The following CRTAC1 variants were observed in gnomAD, a reference collection of about 807,000 sequenced individuals.
CRTAC1 encodes the protein acidic secreted protein in cartilage.
CRTAC1 carries 37 observed loss-of-function variants against 67.8 expected under a neutral mutation model. That is an observed-to-expected ratio of 0.55 (90% CI 0.42 to 0.72). CRTAC1 has a LOEUF of 0.72. Among genes scored for constraint, CRTAC1 ranks in the 30% least tolerant of loss-of-function variants. The pLI is 0.00. For synonymous variants in CRTAC1, 348 were observed against 371.0 expected, an observed-to-expected ratio of 0.94 and a Z score of 0.71; for missense variants, 780 against 931.6, an observed-to-expected ratio of 0.84 and a Z score of 2.12.
At chr10:98,019,840 C>T (rs1164845366) in intron 1 of CRTAC1, among the ~76,000 whole-genome samples, 7 of 152,176 alleles carry the variant, frequency 4.6e-5, no homozygotes, top group Non-Finnish European at 1.0e-4. Context: ...GGTGGCATTT[C>T]CCTCTCCACC....
intron 2 of CRTAC1, among the ~76,000 whole-genome samples, chr10:97,971,872 G>T (rs1007297314): frequency 6.6e-6 from 1 of 152,160 alleles, no homozygotes; most frequent in Admixed American, 6.5e-5. Context: ...CTACACTAAG[G>T]TTTCAGTAAC....
At chr10:97,967,008 A>G (rs1590246419) in intron 2 of CRTAC1, among the ~76,000 whole-genome samples, 1 of 121,984 alleles carries the variant, frequency 8.2e-6, no homozygotes. Context: ...CCCCCCCCCG[A>G]CATCCTACAT....
At chr10:97,910,161 T>A (rs1447992768) in intron 5 of CRTAC1, among the ~76,000 whole-genome samples, 1 of 152,254 alleles carries the variant, frequency 6.6e-6, no homozygotes, top group African/African-American at 2.4e-5. Flanking sequence ...TTAATAAGAA[T>A]GCACTATATA....
chr10:97,954,662 T>C (rs2051412675), intron 2 of CRTAC1, among the ~76,000 whole-genome samples: 1 of 152,216 alleles, frequency 6.6e-6, no homozygotes, highest in African/African-American at 2.4e-5. Flanking sequence ...GTCGGGGCAA[T>C]GACCCCGGTA....
chr10:98,003,117 T>C (rs1448165100), intron 2 of CRTAC1, among the ~76,000 whole-genome samples: 2 of 152,172 alleles, frequency 1.3e-5, no homozygotes, highest in African/African-American at 2.4e-5. Flanking sequence ...GGGATTGACG[T>C]TGATTACAAA....
At chr10:97,991,530 G>T (rs1842456923) in intron 2 of CRTAC1, among the ~76,000 whole-genome samples, 2 of 152,126 alleles carry the variant, frequency 1.3e-5, no homozygotes, top group South Asian at 2.1e-4. Context: ...GACAAGGGTT[G>T]GTCCAGGCAA....
intron 1 of CRTAC1, among the ~76,000 whole-genome samples, chr10:98,014,083 T>C (rs1842954477): frequency 6.6e-6 from 1 of 152,208 alleles, no homozygotes; most frequent in African/African-American, 2.4e-5. Flanking sequence ...TGGGCAATGG[T>C]TACGGTGAGG....
intron 2 of CRTAC1, among the ~76,000 whole-genome samples, chr10:97,948,758 G>T (rs563239376): frequency 6.6e-6 from 1 of 152,340 alleles, no homozygotes; most frequent in South Asian, 2.1e-4. Flanking sequence ...CCGAGACTGG[G>T]TAATTTACGA....
intron 2 of CRTAC1, among the ~76,000 whole-genome samples, chr10:97,939,094 C>T (rs1287925559): frequency 6.6e-6 from 1 of 152,182 alleles, no homozygotes; most frequent in Admixed American, 6.5e-5. Flanking sequence ...CACTGACACC[C>T]TTCCCCTGCA....
At chr10:97,907,990 A>G in intron 6 of CRTAC1, 23 bp downstream of exon 6, 1 of 1,613,402 alleles carries the variant, frequency 6.2e-7, no homozygotes, top group Non-Finnish European at 8.5e-7. Context: ...CAGGGTGCAC[A>G]GGGCATGGCT....
At chr10:97,926,379 G>C (rs1052357033) in intron 3 of CRTAC1, among the ~76,000 whole-genome samples, 1 of 152,198 alleles carries the variant, frequency 6.6e-6, no homozygotes, top group Non-Finnish European at 1.5e-5. Flanking sequence ...TCTCAGCGTC[G>C]TTGTGGGAAT....
chr10:97,945,786 C>T (rs1460174480), intron 2 of CRTAC1, among the ~76,000 whole-genome samples: 1 of 152,240 alleles, frequency 6.6e-6, no homozygotes, highest in South Asian at 2.1e-4. Context: ...AAGAGAAAAA[C>T]CTTTTGTCCT....
At chr10:97,964,424 G>A (rs890358171) in intron 2 of CRTAC1, among the ~76,000 whole-genome samples, 9 of 152,216 alleles carry the variant, frequency 5.9e-5, no homozygotes, top group Non-Finnish European at 1.0e-4. Context: ...CGCTTGACAG[G>A]CCATCAGAGA....
At chr10:97,998,030 G>A (rs1842618752) in intron 2 of CRTAC1, among the ~76,000 whole-genome samples, 1 of 152,188 alleles carries the variant, frequency 6.6e-6, no homozygotes, top group African/African-American at 2.4e-5. Flanking sequence ...GAGTGCAGTG[G>A]TGCGATCTCG....
chr10:98,029,527 G>A lies in CRTAC1; in HGVS notation c.24+922C>T, dbSNP rs111370186. ...CGGCGGCGGCGGCGGCGGCGGCGGCGGCAGCAGCAGCAATATTCATTAGTC... is the reference window on the plus strand; with the variant it reads ...CGGCGGCGGCGGCGGCGGCGGCGGCAGCAGCAGCAGCAATATTCATTAGTC... On this transcript the variant is annotated intron_variant, in intron 1 of 14. Transcript: ENST00000370597. The surrounding 1 kb of genome is among the most constrained non-coding windows in gnomAD (Gnocchi z 4.7). 2.7e-3 allele frequency among the ~76,000 whole-genome samples: 360 copies of A among 131,142 alleles called. 1 individual carries two copies. The highest frequency in any genetic ancestry group is 4.0e-3 in the Non-Finnish European group (269 of 66,846). The allele number at this position is 131,142 out of a possible 152,430, so 86.0% of individuals were successfully genotyped here.
At chr10:97,883,545 C>G (rs906724620) in intron 12 of CRTAC1, among the ~76,000 whole-genome samples, 26 of 152,306 alleles carry the variant, frequency 1.7e-4, no homozygotes, top group African/African-American at 5.8e-4. Flanking sequence ...GGCCCCTCTC[C>G]TCCCAAAGCC....
chr10:97,887,523 C>A (rs1017924609), intron 11 of CRTAC1, among the ~76,000 whole-genome samples: 1 of 152,228 alleles, frequency 6.6e-6, no homozygotes. Flanking sequence ...GGATTATAGG[C>A]GTGAGTCACC....
chr10:97,875,342 G>A (rs1168106041), intron 14 of CRTAC1, among the ~76,000 whole-genome samples: 2 of 152,220 alleles, frequency 1.3e-5, no homozygotes, highest in Non-Finnish European at 2.9e-5. Flanking sequence ...TTGCATAAAT[G>A]TTAGCTGCTT....
chr10:97,888,496 C>G (rs1265284708), intron 11 of CRTAC1, among the ~76,000 whole-genome samples: 2 of 151,334 alleles, frequency 1.3e-5, no homozygotes, highest in Non-Finnish European at 3.0e-5. Context: ...TCAGAGGAGA[C>G]TGGGGAGGGG....
Sources: gnomAD v4.1 joint callset for allele counts (sites outside exome capture counted in the v4.1 genomes callset) on GRCh38, gnomAD v4.1.1 for gene constraint, Gnocchi (gnomAD v3.1) non-coding constraint, MANE v1.5 for transcripts, NCBI Gene and HGNC (gene_info 2026-07-23, HGNC 2026-07-21) for gene names.